CHRM3: variants seen among roughly 807,000 people sequenced by gnomAD.
CHRM3 encodes cholinergic receptor muscarinic 3.
Under a neutral mutation model 41.8 loss-of-function variants are expected in CHRM3, and 11 were observed. The ratio of observed to expected loss-of-function variants is 0.26; its 90% CI spans 0.17 to 0.44. The LOEUF is 0.44. CHRM3 is among the 20% of genes least tolerant of loss of function. CHRM3 has a pLI of 1.00. For synonymous variants in CHRM3, 297 were observed against 301.4 expected (o/e 0.99, Z 0.15); for missense variants, 571 against 745.4 (o/e 0.77, Z 2.72).
At chr1:239,665,349 C>G (rs887476757) in intron 4 of CHRM3, among the ~76,000 whole-genome samples, 1 of 152,028 alleles carries the variant, frequency 6.6e-6, no homozygotes, top group Non-Finnish European at 1.5e-5. Flanking sequence ...TGGTCCCTCT[C>G]ATCTTGAATT....
At chr1:239,686,200 C>T (rs192714450) in intron 5 of CHRM3, among the ~76,000 whole-genome samples, 77 of 152,272 alleles carry the variant, frequency 5.1e-4, no homozygotes, top group African/African-American at 1.8e-3. Flanking sequence ...TTCTGTTACT[C>T]ACTACCTTAA....
chr1:239,844,965 G>A (rs1333728417), intron 6 of CHRM3, among the ~76,000 whole-genome samples: 1 of 152,162 alleles, frequency 6.6e-6, no homozygotes, highest in African/African-American at 2.4e-5. Flanking sequence ...CTTATAAAAA[G>A]ATGTCTTAAT....
chr1:239,407,405 A>AATATATATATATATATATAT (rs143680510), intron 1 of CHRM3, among the ~76,000 whole-genome samples: 14 of 137,030 alleles, frequency 1.0e-4, no homozygotes, highest in Non-Finnish European at 1.6e-4. Context: ...AATGACTATA[A>AATATATATATATATATATAT]ATATATATAT....
At chr1:239,746,133 T>A (rs953724700) in intron 5 of CHRM3, among the ~76,000 whole-genome samples, 4 of 152,218 alleles carry the variant, frequency 2.6e-5, no homozygotes, top group African/African-American at 4.8e-5. Flanking sequence ...TAATCAAATG[T>A]TAGCATTTCA....
chr1:239,705,036 A>T (rs1296770599), intron 5 of CHRM3: 2 of 152,178 alleles, frequency 1.3e-5, no homozygotes, highest in African/African-American at 4.8e-5. Context: ...CCCTGTCTCT[A>T]CAATAAAATA....
At chr1:239,710,734 T>C (rs1056432584) in intron 5 of CHRM3, among the ~76,000 whole-genome samples, 1 of 152,142 alleles carries the variant, frequency 6.6e-6, no homozygotes, top group Non-Finnish European at 1.5e-5. Context: ...CTTGACAAGT[T>C]GCTTGTTTCT....
At chr1:239,627,461 G>T (rs1162329344) in intron 3 of CHRM3, among the ~76,000 whole-genome samples, 2 of 115,136 alleles carry the variant, frequency 1.7e-5, no homozygotes, top group Admixed American at 8.4e-5. Context: ...TATCCAACTT[G>T]CCAGTCTGTG....
chr1:239,689,089 T>C (rs6661636), intron 5 of CHRM3, among the ~76,000 whole-genome samples: 7,038 of 151,620 alleles, frequency 0.046, 281 homozygotes, highest in African/African-American at 0.099. Flanking sequence ...TTAAAGATGG[T>C]AATTAAAGTA....
intron 5 of CHRM3, among the ~76,000 whole-genome samples, chr1:239,731,864 A>T (rs1380012176): frequency 6.6e-6 from 1 of 152,044 alleles, no homozygotes; most frequent in Non-Finnish European, 1.5e-5. Context: ...AAGCTAAAAA[A>T]TTAACCACTA....
intron 3 of CHRM3, among the ~76,000 whole-genome samples, chr1:239,631,181 A>G (rs1445260591): frequency 2.0e-5 from 3 of 152,252 alleles, no homozygotes; most frequent in Non-Finnish European, 4.4e-5. Flanking sequence ...TTTAAAAGAT[A>G]TATAAAATAC....
intron 1 of CHRM3, among the ~76,000 whole-genome samples, chr1:239,411,408 C>A (rs573768066): frequency 2.6e-5 from 4 of 151,724 alleles, no homozygotes; most frequent in African/African-American, 4.8e-5. Flanking sequence ...AACTGGCAGA[C>A]CTACACGAAA....
intron 6 of CHRM3, among the ~76,000 whole-genome samples, chr1:239,839,552 C>A (rs913052719): frequency 2.0e-5 from 3 of 152,124 alleles, no homozygotes; most frequent in Admixed American, 6.5e-5. Flanking sequence ...CATGTTTTGG[C>A]AGAAAAGAGT....
chr1:239,478,635 A>C (rs929589436), intron 1 of CHRM3, among the ~76,000 whole-genome samples: 14 of 152,220 alleles, frequency 9.2e-5, no homozygotes, highest in African/African-American at 3.4e-4. Flanking sequence ...TGGAAAATTC[A>C]GTCCATAAAT....
chr1:239,614,203 T>C (rs529665177), intron 3 of CHRM3, among the ~76,000 whole-genome samples: 1 of 152,222 alleles, frequency 6.6e-6, no homozygotes, highest in Admixed American at 6.5e-5. Context: ...TTTAGAAGGA[T>C]ACAAGCTCGC....
chr1:239,800,089 A>G (rs1558133091), intron 5 of CHRM3, among the ~76,000 whole-genome samples: 1 of 152,182 alleles, frequency 6.6e-6, no homozygotes, highest in Non-Finnish European at 1.5e-5. Flanking sequence ...ATAGATGAGA[A>G]CAGTGAATAA....
intron 2 of CHRM3, among the ~76,000 whole-genome samples, chr1:239,531,280 A>G (rs1670383617): frequency 6.6e-6 from 1 of 152,206 alleles, no homozygotes; most frequent in South Asian, 2.1e-4. Context: ...TAATCAAGGC[A>G]GTGTGATATT....
intron 6 of CHRM3, among the ~76,000 whole-genome samples, chr1:239,895,001 G>C (rs1051974808): frequency 3.9e-5 from 6 of 152,276 alleles, no homozygotes; most frequent in African/African-American, 1.4e-4. Flanking sequence ...AGATAAATTC[G>C]AGGGCAGCAA....
chr1:239,659,718 T>G (rs1673021993), intron 4 of CHRM3, among the ~76,000 whole-genome samples: 1 of 152,208 alleles, frequency 6.6e-6, no homozygotes, highest in African/African-American at 2.4e-5. Flanking sequence ...GAAAGTTATT[T>G]AAGTGTATCT....
intron 1 of CHRM3, among the ~76,000 whole-genome samples, chr1:239,403,351 C>T (rs557910340): frequency 6.6e-6 from 1 of 152,278 alleles, no homozygotes; most frequent in East Asian, 1.9e-4. Flanking sequence ...GACTGAGTTC[C>T]TTGTTACTGT....
Sources: allele counts gnomAD v4.1 joint callset (sites outside exome capture counted in the v4.1 genomes callset), GRCh38; gene constraint gnomAD v4.1.1; transcripts MANE v1.5; gene names NCBI Gene and HGNC (gene_info 2026-07-23, HGNC 2026-07-21).